Variants in EDNRA observed in about 807,000 individuals in gnomAD.
EDNRA encodes endothelin-1 receptor.
A neutral mutation model predicts 41.4 loss-of-function variants in EDNRA; 11 were observed. The ratio of observed to expected loss-of-function variants is 0.27; its 90% CI spans 0.17 to 0.44. The LOEUF is 0.44. EDNRA is among the 20% of genes least tolerant of loss of function. The probability of loss-of-function intolerance (pLI) is 1.00; values close to 1 mark genes in which losing one functional copy is unlikely to be tolerated. For missense variants in EDNRA, 294 were observed against 531.0 expected (o/e 0.55, Z 4.39); for synonymous variants, 172 against 183.0 (o/e 0.94, Z 0.49).
chr4:147,512,784 T>C (rs1490988684), intron 2 of EDNRA, among the ~76,000 whole-genome samples: 1 of 152,174 alleles, frequency 6.6e-6, no homozygotes, highest in Non-Finnish European at 1.5e-5. Flanking sequence ...CCAGGGAAGA[T>C]TGCTTAGAGC....
intron 2 of EDNRA, among the ~76,000 whole-genome samples, chr4:147,502,106 A>T (rs1729537388): frequency 6.6e-6 from 1 of 152,076 alleles, no homozygotes; most frequent in South Asian, 2.1e-4. Flanking sequence ...GATTGCCTAT[A>T]AAAAAATGGT....
chr4:147,482,281 C>T (rs1270878650), intron 1 of EDNRA, among the ~76,000 whole-genome samples: 1 of 152,214 alleles, frequency 6.6e-6, no homozygotes, highest in Non-Finnish European at 1.5e-5. Context: ...TTACCAATTA[C>T]AGGTGAACTT....
At chr4:147,516,003 A>T (rs6812093) in intron 2 of EDNRA, among the ~76,000 whole-genome samples, 63,050 of 152,096 alleles carry the variant, frequency 0.41, 17,821 homozygotes, top group African/African-American at 0.81. Flanking sequence ...TGTTTAGAAG[A>T]GCTTTCATTT....
chr4:147,490,274 T>C (rs1002933428), intron 2 of EDNRA: 1 of 152,132 alleles, frequency 6.6e-6, no homozygotes, highest in Non-Finnish European at 1.5e-5. Flanking sequence ...GCCAGTTGCC[T>C]TCTTGGTTTT....
intron 3 of EDNRA, among the ~76,000 whole-genome samples, chr4:147,528,519 ATTG>A (rs1730635484): frequency 1.3e-5 from 2 of 151,654 alleles, no homozygotes; most frequent in South Asian, 4.2e-4. Flanking sequence ...TGCCTGGCTA[ATTG>A]TTGTATTTTT....
chr4:147,492,075 C>T (rs1729156567), intron 2 of EDNRA: 1 of 152,334 alleles, frequency 6.6e-6, no homozygotes, highest in South Asian at 2.1e-4. Flanking sequence ...CACTTTATTC[C>T]TTGGATCTCA....
intron 2 of EDNRA, among the ~76,000 whole-genome samples, chr4:147,511,771 C>T (rs1198942381): frequency 1.3e-5 from 2 of 152,146 alleles, no homozygotes; most frequent in Non-Finnish European, 2.9e-5. Flanking sequence ...GCATGTCTGA[C>T]CATAGAGACT....
chr4:147,499,688 T>A lies in EDNRA; in HGVS notation c.420+13587T>A, dbSNP rs1729440182. ...TAAGCCAGGTGGCTAGATTTTTGGG[T>A]AGCCATTTATGTTTCAGTTAAGAAA... On this transcript the variant is annotated intron_variant, in intron 2 of 7. Transcript: ENST00000651419. Among the ~76,000 whole-genome samples, 4 of 152,042 alleles carry A rather than the reference T, an allele frequency of 2.6e-5. No individual in the cohort carries two copies. In the South Asian group the frequency reaches 8.3e-4, roughly 32 times the overall value.
Position 147,521,765 on chromosome 4 carries a change from A to T in EDNRA, c.548+1787A>T, listed in dbSNP as rs573711398. On this transcript the variant is annotated intron_variant, in intron 3 of 7. Transcript: ENST00000651419. ...TATTTTCATTATAATATCTAATTAA[A>T]TTTTTTAGTTATAACTCTAAAATTC... 5.3e-5 allele frequency among the ~76,000 whole-genome samples: 8 copies of T among 152,324 alleles called. No individual in the cohort carries two copies. In the East Asian group the frequency reaches 9.6e-4, roughly 18 times the overall value.
chr4:147,518,903 C>T (rs1730214469), intron 2 of EDNRA, among the ~76,000 whole-genome samples: 2 of 152,176 alleles, frequency 1.3e-5, no homozygotes, highest in Non-Finnish European at 2.9e-5. Context: ...GAACTTCCTT[C>T]CCCCTTTTAG....
chr4:147,532,789 C>A, intron 4 of EDNRA, 85 bp downstream of exon 4: 1 of 1,369,626 alleles, frequency 7.3e-7, no homozygotes, highest in Non-Finnish European at 1.0e-6. Context: ...ATGACATCGC[C>A]ACAATGTCAA....
chr4:147,511,206 T>C (rs771032611), intron 2 of EDNRA, among the ~76,000 whole-genome samples: 5 of 152,216 alleles, frequency 3.3e-5, no homozygotes, highest in African/African-American at 9.6e-5. Context: ...TAGTGAATTA[T>C]TAAAATGTAT....
intron 5 of EDNRA, among the ~76,000 whole-genome samples, chr4:147,537,888 C>T (rs1730970168): frequency 8.0e-6 from 1 of 124,392 alleles, no homozygotes. Context: ...GCTGAAAGTC[C>T]TGCAGATGGG....
intron 3 of EDNRA, among the ~76,000 whole-genome samples, chr4:147,530,081 C>T (rs1730693774): frequency 1.3e-5 from 2 of 152,144 alleles, no homozygotes; most frequent in Non-Finnish European, 1.5e-5. Flanking sequence ...ATTCTGGGAA[C>T]TCATGGCGCT....
chr4:147,529,910 T>A (rs1191535712), intron 3 of EDNRA, among the ~76,000 whole-genome samples: 1 of 152,208 alleles, frequency 6.6e-6, no homozygotes, highest in Non-Finnish European at 1.5e-5. Flanking sequence ...ATGGAGATGT[T>A]ATCGAGATCT....
intron 5 of EDNRA, among the ~76,000 whole-genome samples, chr4:147,536,684 T>C (rs984289336): frequency 1.3e-5 from 2 of 152,194 alleles, no homozygotes; most frequent in Admixed American, 6.5e-5. Flanking sequence ...ATGTGAGACT[T>C]ATGCTAGGAA....
At chr4:147,524,008 G>C (rs998553293) in intron 3 of EDNRA, among the ~76,000 whole-genome samples, 2 of 152,122 alleles carry the variant, frequency 1.3e-5, no homozygotes, top group Admixed American at 1.3e-4. Flanking sequence ...CCATAAAGGA[G>C]TAGAAGAAAA....
rs1339127103 is a variant in EDNRA at position 147,544,128 on chromosome 4, C to T, written c.*1510C>T. The T allele has an allele frequency of 6.6e-6, 1 of 152,536 alleles. No homozygotes were observed. The highest frequency in any genetic ancestry group is 1.5e-5 in the Non-Finnish European group (1 of 68,034). 9.4% of individuals were successfully genotyped at this position (152,536 alleles called of 1,614,324 possible). On this transcript the variant is annotated 3_prime_UTR_variant, in exon 8 of 8. Coordinates refer to ENST00000651419, the MANE Select transcript of EDNRA (RefSeq NM_001957.4). ...TTAATCTAATCTAATAATTGTGCCC[C>T]GCAGTTGTGCCAAAGTGCATAGTCT...
chr4:147,542,631 G>C lies in EDNRA; in HGVS notation c.*13G>C, dbSNP rs1048260314. ...CAGCATGAACTGACCACCCTTAGAA[G>C]CACTCCTCGGTACTCCCATAATCCT... On this transcript the variant is annotated 3_prime_UTR_variant, in exon 8 of 8. Transcript: ENST00000651419. The C allele has an allele frequency of 6.2e-6, 10 of 1,613,078 alleles. No individual in the cohort carries two copies. The highest frequency in any genetic ancestry group is 8.5e-6 in the Non-Finnish European group (10 of 1,179,684).
Sources: gnomAD v4.1 joint callset for allele counts (sites outside exome capture counted in the v4.1 genomes callset) on GRCh38, gnomAD v4.1.1 for gene constraint, MANE v1.5 for transcripts, NCBI Gene and HGNC (gene_info 2026-07-23, HGNC 2026-07-21) for gene names.